Variants in NEK10 observed in about 807,000 individuals in gnomAD.
NEK10 encodes the protein serine/threonine-protein kinase Nek10.
Under a neutral mutation model 159.8 loss-of-function variants are expected in NEK10, and 122 were observed. That is an observed-to-expected ratio of 0.76 (90% confidence interval 0.66 to 0.89). The LOEUF (loss-of-function observed/expected upper bound fraction) is 0.89, where lower values mean the gene tolerates loss of function less well. Ranked by LOEUF, NEK10 falls within the 40% of genes least tolerant of loss-of-function variation. The pLI is 0.00. For missense variants in NEK10, 1,342 were observed against 1,323.1 expected (o/e 1.01, Z -0.22); for synonymous variants, 466 against 457.1 (o/e 1.02, Z -0.25).
At chr3:27,281,855 G>C (rs528682719) in intron 22 of NEK10, among the ~76,000 whole-genome samples, 1 of 152,136 alleles carries the variant, frequency 6.6e-6, no homozygotes, top group Non-Finnish European at 1.5e-5. Context: ...ACAAAAGTGG[G>C]AGTACTTATC....
chr3:27,176,791 A>T (rs187911047), intron 26 of NEK10, among the ~76,000 whole-genome samples: 189 of 152,216 alleles, frequency 1.2e-3, no homozygotes, highest in African/African-American at 4.2e-3. Flanking sequence ...AGGACTTTAC[A>T]CCCAAGATGT....
In NEK10 at chr3:27,162,357, T is replaced by C. The variant is rs945049025; in HGVS notation, c.2869+344A>G. 1.0e-4 allele frequency: 157 copies of C among 1,500,072 alleles called. No individual in the cohort carries two copies. In the African/African-American group the frequency reaches 2.1e-3, roughly 20 times the overall value. 92.9% of individuals were successfully genotyped at this position (1,500,072 alleles called of 1,614,324 possible). A position where few individuals can be genotyped will look rare whatever the true frequency, so the allele number is the denominator to read the frequency against. ...ACAAGGCAGAATTCTCCGCTCTTTG[T>C]ATTAAAATTACCACCCAAGCATCGT... On this transcript the variant is annotated intron_variant, in intron 30 of 35. Coordinates refer to ENST00000691995, the MANE Select transcript of NEK10 (RefSeq NM_001394966.1).
intron 22 of NEK10, among the ~76,000 whole-genome samples, chr3:27,277,732 T>TA (rs1460848133): frequency 1.3e-5 from 2 of 152,200 alleles, no homozygotes; most frequent in African/African-American, 4.8e-5. Context: ...ATAGACTATA[T>TA]AACTATTCAC....
chr3:27,362,126 T>A (rs778095542), intron 1 of NEK10, among the ~76,000 whole-genome samples: 1 of 152,152 alleles, frequency 6.6e-6, no homozygotes, highest in Non-Finnish European at 1.5e-5. Context: ...TAGAAAGATT[T>A]TGTGAACTGT....
chr3:27,227,309 C>T (rs1353311493), intron 23 of NEK10, among the ~76,000 whole-genome samples: 3 of 152,146 alleles, frequency 2.0e-5, no homozygotes, highest in East Asian at 1.9e-4. Context: ...GAGAAAAGGT[C>T]GGTTACAGGA....
intron 26 of NEK10, among the ~76,000 whole-genome samples, chr3:27,187,760 C>CA (rs34803938): frequency 0.28 from 36,727 of 128,932 alleles, 4,600 homozygotes; most frequent in Admixed American, 0.3. Flanking sequence ...GACTCCATCT[C>CA]AAAAAAAAAA....
rs979669347 is a variant in NEK10, at chr3:27,301,549, G to A, written c.1168+147C>T. 4.8e-6 allele frequency: 3 copies of A among 625,084 alleles called. No homozygotes were observed. The African/African-American group carries it at 5.5e-5, about 12-fold the overall frequency. The allele number at this position is 625,084 out of a possible 1,614,324, so 38.7% of individuals were successfully genotyped here. A position where few individuals can be genotyped will look rare whatever the true frequency, so the allele number is the denominator to read the frequency against. ...TCTGCAAGTCCAACACTGGGACCAA[G>A]AAGTTTCTGGCATCCATGTGGATTT... On this transcript the variant is annotated intron_variant, in intron 13 of 35. Transcript: ENST00000691995.
At position 27,304,890 on chromosome 3, in the gene NEK10, G is replaced by C. The variant is rs373395745; in HGVS notation, c.885C>G (p.Val295=). 1 of 1,613,030 alleles carries C rather than the reference G, an allele frequency of 6.2e-7. No individual in the cohort carries two copies. Among genetic ancestry groups the C allele is most frequent in the Non-Finnish European group, 8.5e-7 (1 of 1,179,162 alleles). Residue 295 remains valine (V), a synonymous_variant, in exon 12 of 36, where the codon GTC becomes GTG. Coordinates refer to ENST00000691995, the MANE Select transcript of NEK10 (RefSeq NM_001394966.1). ...GGTCAGAGTGGAGCAGACTGAGGAG[G>C]ACCGGTATCCCCTCATAGAGCTTCA... ...EQVKLYEGIP[V]LLSLLHSDHL...
At chr3:27,264,932 A>ATAAT (rs1355454045) in intron 22 of NEK10, among the ~76,000 whole-genome samples, 1 of 129,562 alleles carries the variant, frequency 7.7e-6, no homozygotes, top group Non-Finnish European at 1.6e-5. Context: ...AAATAAATAA[A>ATAAT]TAAATAATAA....
intron 15 of NEK10, among the ~76,000 whole-genome samples, chr3:27,294,847 C>T (rs1471892796): frequency 1.3e-5 from 2 of 152,112 alleles, no homozygotes; most frequent in Admixed American, 6.5e-5. Context: ...CACTGCCCCC[C>T]GCCCCCACTC....
At chr3:27,141,230 G>A (rs139764358) in intron 31 of NEK10, among the ~76,000 whole-genome samples, 1 of 152,108 alleles carries the variant, frequency 6.6e-6, no homozygotes, top group South Asian at 2.1e-4. Flanking sequence ...GCCATTTATG[G>A]TGAAGTTTGG....
At chr3:27,194,125 CT>C (rs71091113) in intron 25 of NEK10, 35,559 of 127,944 alleles carry the variant, frequency 0.28, 4,219 homozygotes, top group African/African-American at 0.48. Context: ...CAGAGAAATT[CT>C]TTTTTTTTTT....
chr3:27,121,225 G>T (rs1468245800), intron 32 of NEK10, among the ~76,000 whole-genome samples: 1 of 152,140 alleles, frequency 6.6e-6, no homozygotes, highest in East Asian at 1.9e-4. Context: ...ATATCATGGT[G>T]TGTTCATACA....
At chr3:27,157,443 G>T (rs186226602) in intron 30 of NEK10, among the ~76,000 whole-genome samples, 45 of 152,282 alleles carry the variant, frequency 3.0e-4, no homozygotes, top group African/African-American at 1.0e-3. Flanking sequence ...AATTGCAAAT[G>T]TAGTAGAAAT....
chr3:27,245,549 A>G (rs759755600), intron 23 of NEK10, among the ~76,000 whole-genome samples: 6 of 152,234 alleles, frequency 3.9e-5, no homozygotes, highest in Non-Finnish European at 7.3e-5. Flanking sequence ...GAACTGCCTT[A>G]TTAATGAAGC....
In NEK10 at chr3:27,155,589, T is replaced by C. The variant is rs185808415; in HGVS notation, c.2869+7112A>G. 1.5e-4 allele frequency among the ~76,000 whole-genome samples: 22 copies of C among 146,762 alleles called. No individual in the cohort carries two copies. In the East Asian group the frequency reaches 4.3e-3, roughly 29 times the overall value. On this transcript the variant is annotated intron_variant, in intron 30 of 35. Transcript: ENST00000691995. ...CTTAGGAATATACCTAACCAAGAAG[T>C]TGAAAGACCTCTACAAGGAAAACTA...
chr3:27,307,582 T>C (rs2149573547), intron 11 of NEK10, among the ~76,000 whole-genome samples: 1 of 152,264 alleles, frequency 6.6e-6, no homozygotes, highest in South Asian at 2.1e-4. Context: ...AAAGGCAGGA[T>C]ATAAATAAAT....
chr3:27,166,080 T>C (rs1946448035), intron 29 of NEK10, among the ~76,000 whole-genome samples: 1 of 152,244 alleles, frequency 6.6e-6, no homozygotes, highest in Admixed American at 6.5e-5. Flanking sequence ...AATAGTAAGG[T>C]AATGCCTTCC....
chr3:27,206,220 C>T (rs1392561395), intron 23 of NEK10, among the ~76,000 whole-genome samples: 2 of 152,130 alleles, frequency 1.3e-5, no homozygotes, highest in African/African-American at 2.4e-5. Context: ...ATGTTTTTCA[C>T]TCAGCCAGTA....
Sources: allele counts gnomAD v4.1 joint callset (sites outside exome capture counted in the v4.1 genomes callset), GRCh38; gene constraint gnomAD v4.1.1; transcripts MANE v1.5; gene names NCBI Gene and HGNC (gene_info 2026-07-23, HGNC 2026-07-21).